The following ANKRD13D variants were observed in gnomAD, a reference collection of about 807,000 sequenced individuals.
ANKRD13D encodes ankyrin repeat domain 13D.
A neutral mutation model predicts 68.8 loss-of-function variants in ANKRD13D; 24 were observed. The ratio of observed to expected loss-of-function variants is 0.35; its 90% CI spans 0.25 to 0.49. The LOEUF is 0.49. ANKRD13D is among the 20% of genes least tolerant of loss of function. ANKRD13D has a pLI of 0.99. For synonymous variants in ANKRD13D, 331 were observed against 336.1 expected (o/e 0.98, Z 0.16); for missense variants, 735 against 832.1 (o/e 0.88, Z 1.44).
chr11:67,299,139 G>T lies in ANKRD13D; in HGVS notation c.798+15G>T. Reference sequence around the variant, plus strand: ...ACGAGGCCAAGGCAGGAGAGGCTAGGGGTGGGGGGCTGGGGGTAGGAGATG... The same window carrying T: ...ACGAGGCCAAGGCAGGAGAGGCTAGTGGTGGGGGGCTGGGGGTAGGAGATG... On this transcript the variant is annotated intron_variant, in intron 7 of 14. Coordinates refer to ENST00000511455, the MANE Select transcript of ANKRD13D (RefSeq NM_207354.3). The surrounding 1 kb of genome is among the most constrained non-coding windows in gnomAD (Gnocchi z 6.2). 1.2e-6 allele frequency: 2 copies of T among 1,610,408 alleles called. No individual in the cohort carries two copies. The highest frequency in any genetic ancestry group is 1.1e-5 in the South Asian group (1 of 90,968).
rs371734896 is a variant in ANKRD13D at position 67,299,920 on chromosome 11, C to T, written c.942+32C>T. 312 of 1,560,642 alleles carry T rather than the reference C, an allele frequency of 2.0e-4. No individual in the cohort carries two copies. Among genetic ancestry groups the T allele is most frequent in the South Asian group, 3.5e-4 (29 of 82,566 alleles). ...CGGGGCTGGGCCGAGACAGGGCTGG[C>T]GGGGGGCCGAGCCTGGGCGGGAGGG... On this transcript the variant is annotated intron_variant, in intron 9 of 14. Coordinates refer to ENST00000511455, the MANE Select transcript of ANKRD13D (RefSeq NM_207354.3). The surrounding 1 kb of genome is among the most constrained non-coding windows in gnomAD (Gnocchi z 6.2).
Position 67,290,458 on chromosome 11 carries a change from C to T in ANKRD13D, c.351+12C>T. The T allele has an allele frequency of 6.4e-7, 1 of 1,567,022 alleles. No individual in the cohort carries two copies. On this transcript the variant is annotated intron_variant, in intron 3 of 14. Transcript: ENST00000511455. ...ACAAACTTCGCCAGGTACAGCAGGG[C>T]ACAGTTATGGAGGTGGGGTACCATG... is the stretch of plus-strand genomic sequence containing the variant.
At chr11:67,291,351 CA>C (rs369072835) in intron 3 of ANKRD13D, 124 bp from the exon 4 acceptor site, 94,650 of 495,018 alleles carry the variant, frequency 0.19, 43 homozygotes, top group East Asian at 0.22. Context: ...GAGCAAGTCT[CA>C]AAAAAAAAAA....
At chr11:67,289,732 C>T (rs1208460228) in intron 1 of ANKRD13D, 182 bp downstream of exon 1, 3 of 1,397,044 alleles carry the variant, frequency 2.1e-6, no homozygotes, top group East Asian at 5.5e-5. Flanking sequence ...CTCTGGCCTC[C>T]TCTCCCCTGC....
chr11:67,289,572 C>T, intron 1 of ANKRD13D, 22 bp downstream of exon 1: 1 of 1,519,486 alleles, frequency 6.6e-7, no homozygotes. Flanking sequence ...CTGGGGCACC[C>T]GGCCCTTCCC....
At chr11:67,298,950 G>GA in intron 6 of ANKRD13D, 108 bp from the exon 7 acceptor site, 1 of 1,168,830 alleles carries the variant, frequency 8.6e-7, no homozygotes, top group Non-Finnish European at 1.3e-6. Flanking sequence ...AAGGGGCCCT[G>GA]AGAGTTGGGC....
At position 67,301,792 on chromosome 11, in the gene ANKRD13D, A is replaced by G. The variant is rs1290648390; in HGVS notation, c.1573A>G (p.Thr525Ala). 2 of 1,607,200 alleles carry G rather than the reference A, an allele frequency of 1.2e-6. No homozygotes were observed. Among genetic ancestry groups the G allele is most frequent in the East Asian group, 2.2e-5 (1 of 44,688 alleles). The change falls in exon 14 of 15, where the codon ACG becomes GCG. Residue 525 changes from threonine (T) to alanine (A), a missense_variant. Physicochemically the swap from Thr to Ala is moderately conservative, Grantham distance 58. Coordinates refer to ENST00000511455, the MANE Select transcript of ANKRD13D (RefSeq NM_207354.3). This position sits in a 1 kb window ranked among gnomAD's most constrained non-coding sequence, Gnocchi z 4.5. ...CGGTGCCCGCCCTCCTCCCCAGGCC[A>G]CGGTTTATGAGGAACAGCTTCAGCT... ...RPGARPPPQA[T>A]VYEEQLQLER...
rs370340276 is a variant in ANKRD13D at position 67,300,156 on chromosome 11, C to T, written c.1073+33C>T. The T allele has an allele frequency of 1.9e-5, 30 of 1,612,142 alleles. No homozygotes were observed. The highest frequency in any genetic ancestry group is 9.4e-5 in the African/African-American group (7 of 74,860). On this transcript the variant is annotated intron_variant, in intron 10 of 14. Coordinates refer to ENST00000511455, the MANE Select transcript of ANKRD13D (RefSeq NM_207354.3). This position sits in a 1 kb window ranked among gnomAD's most constrained non-coding sequence, Gnocchi z 4.3. ...CTGAGAGCTGGCTGGGGACTTGCCT[C>T]GGGACAAGGGCTCTTGCAGACCCCT...
rs748354816 is a variant in ANKRD13D at position 67,291,481 on chromosome 11, C to T, written c.357C>T (p.Pro119=). The part of the protein sequence containing the change: ...PELLNKLRQA[P]DFYVEMKWEF... ...GCAGCTCTGGTTTCTCTTAGGCCCCCGATTTCTACGTTGAGATGAAGTGGG... is the reference window on the plus strand; with the variant it reads ...GCAGCTCTGGTTTCTCTTAGGCCCCTGATTTCTACGTTGAGATGAAGTGGG... Residue 119 remains proline (P), a synonymous_variant, in exon 4 of 15, where the codon CCC becomes CCT. Coordinates refer to ENST00000511455, the MANE Select transcript of ANKRD13D (RefSeq NM_207354.3). 2.8e-5 allele frequency: 45 copies of T among 1,613,770 alleles called. No individual in the cohort carries two copies. The highest frequency in any genetic ancestry group is 1.5e-4 in the South Asian group (14 of 91,066).
At chr11:67,289,823 C>T (rs1860458179) in intron 1 of ANKRD13D, 8 of 1,424,708 alleles carry the variant, frequency 5.6e-6, no homozygotes, top group Admixed American at 6.0e-5. Flanking sequence ...TGGTCCTGGT[C>T]CCCAGGTTCC....
intron 6 of ANKRD13D, among the ~76,000 whole-genome samples, chr11:67,292,807 G>C (rs941000097): frequency 6.6e-6 from 1 of 151,822 alleles, no homozygotes; most frequent in Non-Finnish European, 1.5e-5. Flanking sequence ...CTAACTCTTC[G>C]CCAAACTTCT....
At chr11:67,296,011 A>G (rs951259180) in intron 6 of ANKRD13D, among the ~76,000 whole-genome samples, 6 of 152,204 alleles carry the variant, frequency 3.9e-5, no homozygotes, top group African/African-American at 1.2e-4. Context: ...AAAAAATTCT[A>G]TTGATACATC....
Position 67,302,396 on chromosome 11 carries a change from A to T in ANKRD13D, c.*64A>T. On this transcript the variant is annotated 3_prime_UTR_variant, in exon 15 of 15. Transcript: ENST00000511455. ...CCGCTTTTGTAATTTATTTATTTAT[A>T]AACTCTCTGCTGCTGAGCTTGGGGC... 1 of 1,444,080 alleles carries T rather than the reference A, an allele frequency of 6.9e-7. No homozygotes were observed. Among genetic ancestry groups the T allele is most frequent in the Non-Finnish European group, 9.1e-7 (1 of 1,093,936 alleles). The allele number at this position is 1,444,080 out of a possible 1,614,324, so 89.5% of individuals were successfully genotyped here. A position where few individuals can be genotyped will look rare whatever the true frequency, so the allele number is the denominator to read the frequency against.
Position 67,299,511 on chromosome 11 carries a change from C to T in ANKRD13D, c.799-19C>T, listed in dbSNP as rs540112430. On this transcript the variant is annotated intron_variant, in intron 7 of 14. Coordinates refer to ENST00000511455, the MANE Select transcript of ANKRD13D (RefSeq NM_207354.3). The surrounding 1 kb of genome is among the most constrained non-coding windows in gnomAD (Gnocchi z 6.2). ...AGCAGGCTCTGAGCCCCCAGCTCCC[C>T]GTGTCCCCTGCTCCCCAGGTGTACA... is the stretch of plus-strand genomic sequence containing the variant. 61 of 1,548,160 alleles carry T rather than the reference C, an allele frequency of 3.9e-5. No individual in the cohort carries two copies. In the East Asian group the frequency reaches 1.1e-3, roughly 28 times the overall value.
chr11:67,300,201 A>C lies in ANKRD13D; in HGVS notation c.1073+78A>C. 6.3e-7 allele frequency: 1 copy of C among 1,583,994 alleles called. No homozygotes were observed. The highest frequency in any genetic ancestry group is 1.7e-5 in the Admixed American group (1 of 57,944). On this transcript the variant is annotated intron_variant, in intron 10 of 14. Transcript: ENST00000511455. The surrounding 1 kb of genome is among the most constrained non-coding windows in gnomAD (Gnocchi z 4.3). ...ACCCCTCTCTGGGCCTGTCATAGTTAGGGACCCACTCCCTCGGCTGGCTTC... is the reference window on the plus strand; with the variant it reads ...ACCCCTCTCTGGGCCTGTCATAGTTCGGGACCCACTCCCTCGGCTGGCTTC...
In ANKRD13D at chr11:67,289,334, C is replaced by A; in HGVS notation, c.-127C>A. The A allele has an allele frequency of 1.9e-6, 1 of 528,724 alleles. No individual in the cohort carries two copies. Among genetic ancestry groups the A allele is most frequent in the Non-Finnish European group, 2.4e-6 (1 of 412,732 alleles). The allele number at this position is 528,724 out of a possible 1,614,324, so 32.8% of individuals were successfully genotyped here. On this transcript the variant is annotated 5_prime_UTR_variant, in exon 1 of 15. Transcript: ENST00000511455. ...CCTGCCGCCCGCGCTGCCGCCGCCG[C>A]CGCCGCCGCCGCTACTGCTGCGGGG... is the stretch of plus-strand genomic sequence containing the variant.
chr11:67,301,636 C>T lies in ANKRD13D; in HGVS notation c.1497C>T (p.Gly499=), dbSNP rs1861000413. 8 of 1,612,340 alleles carry T rather than the reference C, an allele frequency of 5.0e-6. No individual in the cohort carries two copies. Among genetic ancestry groups the T allele is most frequent in the Non-Finnish European group, 6.8e-6 (8 of 1,179,822 alleles). The part of the protein sequence containing the change: ...FAIQQSLLEA[G]TEAEQVTVWE... ...TCCAGCAGAGCCTGCTTGAAGCGGG[C>T]ACTGAGGCGGAGCAGGTGGGACTTG... Residue 499 remains glycine, a synonymous_variant, in exon 13 of 15, where the codon GGC becomes GGT. Coordinates refer to ENST00000511455, the MANE Select transcript of ANKRD13D (RefSeq NM_207354.3). The surrounding 1 kb of genome is among the most constrained non-coding windows in gnomAD (Gnocchi z 4.5).
chr11:67,291,897 C>T, intron 5 of ANKRD13D, 94 bp from the exon 6 acceptor site: 1 of 1,503,212 alleles, frequency 6.7e-7, no homozygotes, highest in East Asian at 2.3e-5. Context: ...ACCCACTTGG[C>T]AGCAGGTGGC....
chr11:67,299,194 C>A lies in ANKRD13D; in HGVS notation c.798+70C>A. On this transcript the variant is annotated intron_variant, in intron 7 of 14. Coordinates refer to ENST00000511455, the MANE Select transcript of ANKRD13D (RefSeq NM_207354.3). This position sits in a 1 kb window ranked among gnomAD's most constrained non-coding sequence, Gnocchi z 6.2. ...CCAGGAACTCAGCTCCTCTCCACAT[C>A]CATCCCAGAGTAGCCCCTGGGCTCT... The A allele has an allele frequency of 6.4e-7, 1 of 1,566,538 alleles. No homozygotes were observed. The highest frequency in any genetic ancestry group is 8.8e-7 in the Non-Finnish European group (1 of 1,141,428).
Sources: allele counts gnomAD v4.1 joint callset (sites outside exome capture counted in the v4.1 genomes callset), GRCh38; gene constraint gnomAD v4.1.1; non-coding constraint Gnocchi (gnomAD v3.1); transcripts MANE v1.5; gene names NCBI Gene and HGNC (gene_info 2026-07-23, HGNC 2026-07-21).